SLC30A8: variants seen among roughly 807,000 people sequenced by gnomAD.
The protein encoded by SLC30A8 is proton-coupled zinc antiporter SLC30A8.
SLC30A8 carries 27 observed loss-of-function variants against 36.9 expected under a neutral mutation model. The observed-to-expected ratio is 0.73, with a 90% CI of 0.54 to 1.01. The LOEUF is 1.01. Ranked by LOEUF, SLC30A8 falls within the 50% of genes least tolerant of loss-of-function variation. The pLI is 0.00. For synonymous variants in SLC30A8, 164 were observed against 172.4 expected, an observed-to-expected ratio of 0.95 and a Z score of 0.38; for missense variants, 439 against 452.0, an observed-to-expected ratio of 0.97 and a Z score of 0.26.
intron 2 of SLC30A8, among the ~76,000 whole-genome samples, chr8:117,040,857 A>G (rs1424875200): frequency 1.3e-5 from 2 of 152,180 alleles, no homozygotes; most frequent in African/African-American, 4.8e-5. Flanking sequence ...TAACCCCTAT[A>G]CATAGATCTC....
intron 4 of SLC30A8, 37 bp downstream of exon 4, chr8:117,157,881 G>A (rs371570179): frequency 6.8e-6 from 11 of 1,608,664 alleles, no homozygotes; most frequent in Non-Finnish European, 9.3e-6. Context: ...CTGCTCATGA[G>A]GCTCTCCTGT....
intron 2 of SLC30A8, among the ~76,000 whole-genome samples, chr8:117,113,774 A>G (rs1820329243): frequency 6.6e-6 from 1 of 152,134 alleles, no homozygotes; most frequent in Non-Finnish European, 1.5e-5. Context: ...TCTACTTGGA[A>G]AAACTTTGGG....
At chr8:117,160,709 A>G (rs1427823109) in intron 4 of SLC30A8, among the ~76,000 whole-genome samples, 2 of 152,164 alleles carry the variant, frequency 1.3e-5, no homozygotes, top group Non-Finnish European at 2.9e-5. Flanking sequence ...TGTCTAAGGA[A>G]CCTTAAATGT....
At position 117,126,920 on chromosome 8, in the gene SLC30A8, C is replaced by T. The variant is rs78489852; in HGVS notation, c.-225-8360C>T. Among the ~76,000 whole-genome samples, 615 of 151,992 alleles carry T rather than the reference C, an allele frequency of 4.0e-3. 8 individuals are homozygous for T. The East Asian group carries it at 0.061, about 15-fold the overall frequency. On this transcript the variant is annotated intron_variant, in intron 2 of 10. Coordinates refer to the SLC30A8 transcript ENST00000427715. ...ATGCAGCATCTGTGTGCACAGTCAG[C>T]GGGAGAGCACATGTTCCAGGCAAAG...
chr8:117,073,169 G>T (rs181745784), intron 2 of SLC30A8, among the ~76,000 whole-genome samples: 1 of 152,030 alleles, frequency 6.6e-6, no homozygotes, highest in East Asian at 1.9e-4. Context: ...AATTCTACAT[G>T]CTTGAGTGCA....
At chr8:117,020,899 C>A (rs1816676805) in intron 1 of SLC30A8, among the ~76,000 whole-genome samples, 1 of 151,888 alleles carries the variant, frequency 6.6e-6, no homozygotes, top group South Asian at 2.1e-4. Context: ...AAGCGATAGA[C>A]TTAATAGACC....
At chr8:117,151,715 G>C (rs1371882232) in intron 2 of SLC30A8, among the ~76,000 whole-genome samples, 1 of 152,164 alleles carries the variant, frequency 6.6e-6, no homozygotes, top group African/African-American at 2.4e-5. Flanking sequence ...TGATTGCAGC[G>C]TACTGCTTAT....
At chr8:117,051,654 A>G (rs578204903) in intron 2 of SLC30A8, among the ~76,000 whole-genome samples, 70 of 152,140 alleles carry the variant, frequency 4.6e-4, no homozygotes, top group African/African-American at 1.3e-3. Context: ...TCTACTAAAA[A>G]TACAAAAAAT....
chr8:117,070,228 T>A (rs1395719871), intron 2 of SLC30A8, among the ~76,000 whole-genome samples: 1 of 152,148 alleles, frequency 6.6e-6, no homozygotes, highest in Non-Finnish European at 1.5e-5. Context: ...CATGATTCTG[T>A]GGGTTGGCTG....
chr8:117,103,553 C>T (rs1474648002), intron 2 of SLC30A8, among the ~76,000 whole-genome samples: 1 of 152,200 alleles, frequency 6.6e-6, no homozygotes, highest in Non-Finnish European at 1.5e-5. Flanking sequence ...TGGCTCACTG[C>T]AACCTTCACC....
At chr8:117,141,010 G>A (rs1234539073) in intron 1 of SLC30A8, among the ~76,000 whole-genome samples, 1 of 152,008 alleles carries the variant, frequency 6.6e-6, no homozygotes, top group African/African-American at 2.4e-5. Context: ...GATAAGTAAA[G>A]ATATTGAATT....
Position 117,176,611 on chromosome 8 carries a change from C to G in SLC30A8, c.*3930C>G, listed in dbSNP as rs758289707. The G allele has an allele frequency of 3.3e-5, 5 of 152,414 alleles. No individual in the cohort carries two copies. The highest frequency in any genetic ancestry group is 2.6e-4 in the Admixed American group (4 of 15,234). 9.4% of individuals were successfully genotyped at this position (152,414 alleles called of 1,614,324 possible). A position where few individuals can be genotyped will look rare whatever the true frequency, so the allele number is the denominator to read the frequency against. On this transcript the variant is annotated 3_prime_UTR_variant, in exon 8 of 8. Coordinates refer to ENST00000456015, the MANE Select transcript of SLC30A8 (RefSeq NM_173851.3). ...ATCTGCGGTTTAGTTTTTTAACTTTCTGATTTCACACTTAACGTCTGTCAT... is the reference window on the plus strand; with the variant it reads ...ATCTGCGGTTTAGTTTTTTAACTTTGTGATTTCACACTTAACGTCTGTCAT...
intron 2 of SLC30A8, among the ~76,000 whole-genome samples, chr8:117,059,051 A>T (rs1817954799): frequency 6.6e-6 from 1 of 152,236 alleles, no homozygotes; most frequent in Non-Finnish European, 1.5e-5. Context: ...AGAACATTAT[A>T]AAGTTGGGGA....
intron 6 of SLC30A8, among the ~76,000 whole-genome samples, chr8:117,167,024 C>G (rs914872508): frequency 2.0e-5 from 3 of 151,772 alleles, no homozygotes; most frequent in Non-Finnish European, 2.9e-5. Flanking sequence ...GTTTGTCAAG[C>G]CACAGAAGCA....
intron 2 of SLC30A8, among the ~76,000 whole-genome samples, chr8:117,079,662 T>C (rs955783250): frequency 6.6e-6 from 1 of 152,114 alleles, no homozygotes; most frequent in African/African-American, 2.4e-5. Context: ...GATGAAGATA[T>C]AGGAAAATAT....
intron 2 of SLC30A8, 136 bp from the exon 3 acceptor site, chr8:117,152,808 T>A: frequency 1.5e-6 from 1 of 660,590 alleles, no homozygotes; most frequent in Non-Finnish European, 2.4e-6. Flanking sequence ...AAGGGGTGAA[T>A]TAAATCAACT....
chr8:117,102,077 A>G (rs1819749001), intron 2 of SLC30A8, among the ~76,000 whole-genome samples: 1 of 152,094 alleles, frequency 6.6e-6, no homozygotes, highest in Non-Finnish European at 1.5e-5. Context: ...CTAGATTCCA[A>G]CTTGTTCGGT....
Position 117,172,812 on chromosome 8 carries a change from A to AT in SLC30A8, c.*134dup. ...TCATGGTGCAATGCACATTTTATCT[A>AT]TTTATTTAGTTCCATTCACCATGAA... On this transcript the variant is annotated 3_prime_UTR_variant, in exon 8 of 8. Transcript: ENST00000456015. 9.3e-7 allele frequency: 1 copy of AT among 1,079,158 alleles called. No individual in the cohort carries two copies. Among genetic ancestry groups the AT allele is most frequent in the South Asian group, 1.5e-5 (1 of 65,680 alleles). The allele number at this position is 1,079,158 out of a possible 1,614,324, so 66.8% of individuals were successfully genotyped here.
intron 2 of SLC30A8, among the ~76,000 whole-genome samples, chr8:117,051,673 C>T (rs902523282): frequency 2.0e-5 from 3 of 151,932 alleles, no homozygotes; most frequent in Non-Finnish European, 2.9e-5. Context: ...ATTAGCCAGG[C>T]GTGGTGGCAG....
Sources: allele counts gnomAD v4.1 joint callset (sites outside exome capture counted in the v4.1 genomes callset), GRCh38; gene constraint gnomAD v4.1.1; transcripts MANE v1.5; gene names NCBI Gene and HGNC (gene_info 2026-07-23, HGNC 2026-07-21).